The following ZNF84 variants were observed in gnomAD, a reference collection of about 807,000 sequenced individuals.
The protein encoded by ZNF84 is zinc finger protein HPF2.
Under a neutral mutation model 14.8 loss-of-function variants are expected in ZNF84, and 12 were observed. The observed-to-expected ratio is 0.81, with a 90% CI of 0.52 to 1.31. The LOEUF (loss-of-function observed/expected upper bound fraction) is 1.31. ZNF84 is among the 50% of genes most tolerant of loss of function. The probability of loss-of-function intolerance (pLI) is 0.00; values close to 1 mark genes in which losing one functional copy is unlikely to be tolerated. For synonymous variants in ZNF84, 347 were observed against 291.1 expected (o/e 1.19, Z -1.96); for missense variants, 859 against 878.6 (o/e 0.98, Z 0.28).
intron 2 of ZNF84, 34 bp downstream of exon 2, chr12:133,041,516 G>T: frequency 6.2e-7 from 1 of 1,610,112 alleles, no homozygotes; most frequent in Non-Finnish European, 8.5e-7. Flanking sequence ...TTTTTTCCCA[G>T]GGAATTAGAA....
intron 4 of ZNF84, among the ~76,000 whole-genome samples, chr12:133,053,592 A>G (rs1452782443): frequency 6.6e-6 from 1 of 152,068 alleles, no homozygotes; most frequent in Non-Finnish European, 1.5e-5. Flanking sequence ...AATTCTGAAA[A>G]TTATCTTGAG....
chr12:133,057,179 C>T lies in ZNF84; in HGVS notation c.464C>T (p.Ser155Leu), dbSNP rs1348531777. 3 of 1,611,334 alleles carry T rather than the reference C, an allele frequency of 1.9e-6. No individual in the cohort carries two copies. The Admixed American group carries it at 5.1e-5, about 27-fold the overall frequency. The change falls in exon 5 of 5, where the codon TCA (serine) becomes TTA (leucine). Residue 155 changes from serine to leucine, a missense_variant. By Grantham distance (145) the Ser-to-Leu change is moderately radical. Coordinates refer to ENST00000539354, the MANE Select transcript of ZNF84 (RefSeq NM_001289971.2). ...IPKGDYGKAE[S>L]DDFNVFDNFF... is the part of the protein sequence containing the mutation. ...AAAGGAGATTATGGAAAAGCAGAATCAGATGACTTTAATGTGTTTGATAAT... is the reference window on the plus strand; with the variant it reads ...AAAGGAGATTATGGAAAAGCAGAATTAGATGACTTTAATGTGTTTGATAAT...
Position 133,061,481 on chromosome 12 carries a change from G to A in ZNF84, c.*2549G>A, listed in dbSNP as rs1425525449. On this transcript the variant is annotated 3_prime_UTR_variant, in exon 5 of 5. Coordinates refer to ENST00000539354, the MANE Select transcript of ZNF84 (RefSeq NM_001289971.2). ...CTCTGTCAAAAAAAGAAAAGAAAAA[G>A]AACTTCCTACTTTTTAATATCTCAA... The A allele has an allele frequency of 2.0e-5, 3 of 152,126 alleles. No homozygotes were observed. The highest frequency in any genetic ancestry group is 2.0e-4 in the Admixed American group (3 of 15,260). 9.4% of individuals were successfully genotyped at this position (152,126 alleles called of 1,614,324 possible).
At position 133,057,035 on chromosome 12, in the gene ZNF84, G is replaced by A. The variant is rs1439858361; in HGVS notation, c.320G>A (p.Cys107Tyr). 6.8e-6 allele frequency: 11 copies of A among 1,612,530 alleles called. No homozygotes were observed. Among genetic ancestry groups the A allele is most frequent in the African/African-American group, 2.7e-5 (2 of 74,854 alleles). Reference protein sequence around the residue: ...KLKIIKRGHECDAFGKNFNLN... With the variant: ...KLKIIKRGHEYDAFGKNFNLN... ...AAAATTATAAAAAGAGGTCATGAAT[G>A]TGATGCATTTGGAAAAAATTTCAAT... Residue 107 changes from cysteine to tyrosine, a missense_variant, in exon 5 of 5, where the codon TGT (cysteine) becomes TAT (tyrosine). By Grantham distance (194) the Cys-to-Tyr change is radical. Transcript: ENST00000539354.
rs199847065 is a variant in ZNF84 at position 133,055,624 on chromosome 12, A to G, written c.239-1330A>G. ...GGTATAAGAATGATTACATACCATG[A>G]CTAAGCAGGGTATTTTTCACAATGC... On this transcript the variant is annotated intron_variant, in intron 4 of 4. Coordinates refer to ENST00000539354, the MANE Select transcript of ZNF84 (RefSeq NM_001289971.2). Among the ~76,000 whole-genome samples, 1,311 of 152,322 alleles carry G rather than the reference A, an allele frequency of 8.6e-3. 13 individuals are homozygous for G. Among genetic ancestry groups the G allele is most frequent in the Middle Eastern group, 0.021 (6 of 292 alleles).
intron 3 of ZNF84, chr12:133,048,345 A>G (rs1954018717): frequency 8.5e-6 from 3 of 351,022 alleles, no homozygotes; most frequent in Non-Finnish European, 1.6e-5. Flanking sequence ...CACCTAATGC[A>G]TATAACTTAC....
rs1953883587 is a variant in ZNF84 at position 133,041,335 on chromosome 12, C to T, written c.-133C>T. On this transcript the variant is annotated 5_prime_UTR_variant, in exon 2 of 5. Coordinates refer to ENST00000539354, the MANE Select transcript of ZNF84 (RefSeq NM_001289971.2). Reference sequence around the variant, plus strand: ...CTCATGTGAGATAAGAAAGGAGTTCCTGGAACCAGGAATTCATTCTCAGTG... The same window carrying T: ...CTCATGTGAGATAAGAAAGGAGTTCTTGGAACCAGGAATTCATTCTCAGTG... 2 of 865,586 alleles carry T rather than the reference C, an allele frequency of 2.3e-6. No individual in the cohort carries two copies. The highest frequency in any genetic ancestry group is 3.8e-6 in the Non-Finnish European group (2 of 528,824). 53.6% of individuals were successfully genotyped at this position (865,586 alleles called of 1,614,324 possible).
chr12:133,054,359 G>A (rs947146333), intron 4 of ZNF84, among the ~76,000 whole-genome samples: 21 of 152,220 alleles, frequency 1.4e-4, no homozygotes, highest in African/African-American at 5.1e-4. Flanking sequence ...TTCAATATGG[G>A]CGACAGAGCA....
intron 1 of ZNF84, chr12:133,040,886 C>CAAAAT (rs1953875010): frequency 6.6e-6 from 1 of 152,118 alleles, no homozygotes; most frequent in Non-Finnish European, 1.5e-5. Context: ...GGAAATTAGG[C>CAAAAT]TCAGAATGGT....
intron 4 of ZNF84, among the ~76,000 whole-genome samples, chr12:133,050,844 A>C (rs1208843844): frequency 2.0e-5 from 3 of 152,258 alleles, no homozygotes; most frequent in Non-Finnish European, 4.4e-5. Context: ...GTTTGCACAC[A>C]TAAATGCAGG....
At chr12:133,044,372 C>G (rs1953942398) in intron 2 of ZNF84, among the ~76,000 whole-genome samples, 1 of 147,952 alleles carries the variant, frequency 6.8e-6, no homozygotes, top group Non-Finnish European at 1.5e-5. Context: ...CCACGCTGGT[C>G]TGGAACTCCT....
At chr12:133,048,640 C>T (rs1954024382) in intron 3 of ZNF84, 113 bp from the exon 4 acceptor site, 1 of 679,172 alleles carries the variant, frequency 1.5e-6, no homozygotes, top group African/African-American at 1.8e-5. Context: ...ATTACTTACT[C>T]TGTTGGGGTA....
Position 133,041,391 on chromosome 12 carries a change from GTTT to G in ZNF84, c.-75_-73del. Reference sequence around the variant, plus strand: ...GACCTAGCTGAGACCTCACTCCACAGTTTTGGGGCAGAAGCAGAAGAGACGCAC... The same window carrying G: ...GACCTAGCTGAGACCTCACTCCACAGTGGGGCAGAAGCAGAAGAGACGCAC... On this transcript the variant is annotated 5_prime_UTR_variant, in exon 2 of 5. Coordinates refer to ENST00000539354, the MANE Select transcript of ZNF84 (RefSeq NM_001289971.2). 6.6e-7 allele frequency: 1 copy of G among 1,504,590 alleles called. No individual in the cohort carries two copies. Among genetic ancestry groups the G allele is most frequent in the Non-Finnish European group, 9.2e-7 (1 of 1,081,770 alleles). The allele number at this position is 1,504,590 out of a possible 1,614,324, so 93.2% of individuals were successfully genotyped here.
intron 2 of ZNF84, among the ~76,000 whole-genome samples, chr12:133,045,456 A>C (rs1249678532): frequency 6.7e-6 from 1 of 150,320 alleles, no homozygotes; most frequent in African/African-American, 2.4e-5. Flanking sequence ...GGGTGACAGA[A>C]CAAGACTGTG....
Position 133,058,555 on chromosome 12 carries a change from C to T in ZNF84, c.1840C>T (p.Leu614=). ...GAAAGCTTTTTTTGAGAAGTCGGAG[C>T]TAATTAGACATCTGAGAACTCATAC... is the stretch of plus-strand genomic sequence containing the variant. ...CRKAFFEKSE[L]IRHLRTHTGE... Residue 614 remains leucine, a synonymous_variant, in exon 5 of 5, where the codon CTA becomes TTA. Coordinates refer to ENST00000539354, the MANE Select transcript of ZNF84 (RefSeq NM_001289971.2). The T allele has an allele frequency of 6.2e-7, 1 of 1,613,968 alleles. No individual in the cohort carries two copies.
In ZNF84 at chr12:133,059,012, C is replaced by CCTAACATGACGTGACT; in HGVS notation, c.*80_*81insCTAACATGACGTGACT. The CCTAACATGACGTGACT allele has an allele frequency of 7.2e-7, 1 of 1,384,968 alleles. No individual in the cohort carries two copies. The highest frequency in any genetic ancestry group is 9.8e-7 in the Non-Finnish European group (1 of 1,025,012). 85.8% of individuals were successfully genotyped at this position (1,384,968 alleles called of 1,614,324 possible). A position where few individuals can be genotyped will look rare whatever the true frequency, so the allele number is the denominator to read the frequency against. On this transcript the variant is annotated 3_prime_UTR_variant, in exon 5 of 5. Transcript: ENST00000539354. Reference sequence around the variant, plus strand: ...TTATGATAACGTTTGTAGACAGTCACGTCATGTTAGGTGTTTGTACTCCAT... The same window carrying CCTAACATGACGTGACT: ...TTATGATAACGTTTGTAGACAGTCACCTAACATGACGTGACTGTCATGTTAGGTGTTTGTACTCCAT...
intron 4 of ZNF84, among the ~76,000 whole-genome samples, chr12:133,054,588 T>C (rs1341349576): frequency 4.6e-5 from 7 of 150,604 alleles, no homozygotes; most frequent in South Asian, 2.1e-4. Context: ...AAAGATGATA[T>C]GGTTTTGAAA....
In ZNF84 at chr12:133,059,304, C is replaced by T; in HGVS notation, c.*372C>T. 3.0e-6 allele frequency: 1 copy of T among 328,998 alleles called. No homozygotes were observed. The highest frequency in any genetic ancestry group is 4.5e-5 in the Admixed American group (1 of 22,294). 20.4% of individuals were successfully genotyped at this position (328,998 alleles called of 1,614,324 possible). ...ATGAGGCAATATTTTTAAGAAATGA[C>T]AGTTCATTGTACATAAGAAAATGCT... is the stretch of plus-strand genomic sequence containing the variant. On this transcript the variant is annotated 3_prime_UTR_variant, in exon 5 of 5. Transcript: ENST00000539354.
intron 1 of ZNF84, among the ~76,000 whole-genome samples, chr12:133,040,047 T>C (rs1953859483): frequency 6.6e-6 from 1 of 152,148 alleles, no homozygotes; most frequent in Non-Finnish European, 1.5e-5. Context: ...TTTCATCATG[T>C]TGGTCAGGCT....
Sources: allele counts gnomAD v4.1 joint callset (sites outside exome capture counted in the v4.1 genomes callset), GRCh38; gene constraint gnomAD v4.1.1; transcripts MANE v1.5; gene names NCBI Gene and HGNC (gene_info 2026-07-23, HGNC 2026-07-21).